Variants in PRR35 observed in about 807,000 individuals in gnomAD.
The protein encoded by PRR35 is proline rich 35.
A neutral mutation model predicts 18.6 loss-of-function variants in PRR35; 14 were observed. The ratio of observed to expected loss-of-function variants is 0.75; its 90% CI spans 0.50 to 1.18. The LOEUF (loss-of-function observed/expected upper bound fraction) is 1.18, where lower values mean the gene tolerates loss of function less well. Ranked by LOEUF, PRR35 falls within the 50% of genes most tolerant of loss-of-function variation. The probability of loss-of-function intolerance (pLI) is 0.00; values close to 1 mark genes in which losing one functional copy is unlikely to be tolerated. For synonymous variants in PRR35, 425 were observed against 378.2 expected (o/e 1.12, Z -1.43); for missense variants, 832 against 792.2 (o/e 1.05, Z -0.60).
chr16:560,034 C>T (rs2035407617), upstream of PRR35, among the ~76,000 whole-genome samples: 1 of 152,094 alleles, frequency 6.6e-6, no homozygotes, highest in East Asian at 1.9e-4. Context: ...ACACCCATCA[C>T]GCCGCGGCGG....
At chr16:559,849 G>C (rs1596372417), upstream of PRR35, 1 of 773,342 alleles carries the variant, frequency 1.3e-6, no homozygotes, top group East Asian at 1.3e-4. Context: ...ACGGAGGGCA[G>C]GGCTCGCCCA....
chr16:563,762 G>A lies in PRR35; in HGVS notation c.468G>A (p.Gly156=), dbSNP rs1171023567. The A allele has an allele frequency of 4.7e-6, 7 of 1,504,468 alleles. No homozygotes were observed. Among genetic ancestry groups the A allele is most frequent in the Non-Finnish European group, 6.2e-6 (7 of 1,127,582 alleles). The allele number at this position is 1,504,468 out of a possible 1,614,324, so 93.2% of individuals were successfully genotyped here. A position where few individuals can be genotyped will look rare whatever the true frequency, so the allele number is the denominator to read the frequency against. The change falls in exon 2 of 3, where the codon GGG becomes GGA. Residue 156 remains glycine, a synonymous_variant. Coordinates refer to ENST00000409413, the MANE Select transcript of PRR35 (RefSeq NM_145270.3). ...RATRKGPGPS[G]LLPESWKPGM... ...CCCGGAAGGGTCCCGGCCCCAGTGG[G>A]CTCCTGCCTGAGTCGTGGAAGCCGG...
intron 2 of PRR35, 40 bp downstream of exon 2, chr16:564,416 G>A (rs1332615238): frequency 4.4e-6 from 7 of 1,583,764 alleles, no homozygotes; most frequent in Non-Finnish European, 6.0e-6. Context: ...GTGGACGGAG[G>A]GGCTGGGCGG....
chr16:560,326 C>G, upstream of PRR35: 2 of 980,006 alleles, frequency 2.0e-6, no homozygotes, highest in Non-Finnish European at 2.4e-6. Context: ...CCGCCGCGAG[C>G]GCGGTCGGAG....
chr16:561,431 T>C (rs566536048), intron 1 of PRR35, among the ~76,000 whole-genome samples: 22 of 152,104 alleles, frequency 1.4e-4, no homozygotes, highest in African/African-American at 4.1e-4. Flanking sequence ...CCACACCCAT[T>C]TGTCATCCAC....
At position 560,786 on chromosome 16, in the gene PRR35, C is replaced by A. The variant is rs978826260; in HGVS notation, c.-40+125C>A. The A allele has an allele frequency of 5.9e-6, 5 of 850,340 alleles. No homozygotes were observed. The South Asian group carries it at 2.6e-4, about 45-fold the overall frequency. 52.7% of individuals were successfully genotyped at this position (850,340 alleles called of 1,614,324 possible). On this transcript the variant is annotated intron_variant, in intron 1 of 2. Coordinates refer to ENST00000409413, the MANE Select transcript of PRR35 (RefSeq NM_145270.3). ...CGGGGGGCGGCCGGGTCCCCCCCAC[C>A]CTCTTCTCGAAGTCCAGGAGCAGCG...
Position 565,052 on chromosome 16 carries a change from C to T in PRR35, c.1461C>T (p.Pro487=), listed in dbSNP as rs756560859. The change falls in exon 3 of 3, where the codon CCC becomes CCT. Residue 487 remains proline (P), a synonymous_variant. Transcript: ENST00000409413. ...PQALGEAWGR[P]ELGPVLTGGT... ...CTCTTGGAGAGGCGTGGGGGCGGCC[C>T]GAGCTGGGTCCCGTGTTGACCGGGG... is the stretch of plus-strand genomic sequence containing the variant. 9.4e-6 allele frequency: 15 copies of T among 1,593,474 alleles called. No homozygotes were observed. Among genetic ancestry groups the T allele is most frequent in the East Asian group, 4.5e-5 (2 of 44,192 alleles).
In PRR35 at chr16:563,693, G is replaced by A. The variant is rs781701369; in HGVS notation, c.399G>A (p.Arg133=). The change falls in exon 2 of 3, where the codon AGG becomes AGA. Residue 133 remains arginine, a synonymous_variant. Transcript: ENST00000409413. ...ACTGTGGCGGAGGCCCCAAGTCCAG[G>A]GCCAAGGGGTCCCCAGGGCCACCAC... ...SLHCGGGPKS[R]AKGSPGPPPP... 1 of 1,559,570 alleles carries A rather than the reference G, an allele frequency of 6.4e-7. No individual in the cohort carries two copies. Among genetic ancestry groups the A allele is most frequent in the South Asian group, 1.2e-5 (1 of 85,680 alleles).
chr16:564,840 A>T lies in PRR35; in HGVS notation c.1249A>T (p.Arg417Trp). 1 of 1,559,932 alleles carries T rather than the reference A, an allele frequency of 6.4e-7. No individual in the cohort carries two copies. The highest frequency in any genetic ancestry group is 8.6e-7 in the Non-Finnish European group (1 of 1,156,492). ...GACCCGAGCCCTCGGTGACTACGCC[A>T]GGGTGGAGCAGCGCCTGGGACAGTT... ...DLTRALGDYA[R>W]VEQRLGQLGP... The change falls in exon 3 of 3, where the codon AGG (arginine) becomes TGG (tryptophan). Residue 417 changes from arginine (R) to tryptophan (W), a missense_variant. Physicochemically the swap from Arg to Trp is moderately radical, Grantham distance 101 (BLOSUM62 -3). Coordinates refer to ENST00000409413, the MANE Select transcript of PRR35 (RefSeq NM_145270.3).
upstream of PRR35, among the ~76,000 whole-genome samples, chr16:560,078 C>T (rs2142103443): frequency 6.6e-6 from 1 of 152,024 alleles, no homozygotes; most frequent in African/African-American, 2.4e-5. Context: ...CTGTGCACCC[C>T]CGCGGCAGCC....
In PRR35 at chr16:564,328, A is replaced by G; in HGVS notation, c.1034A>G (p.Glu345Gly). 6.3e-7 allele frequency: 1 copy of G among 1,580,926 alleles called. No homozygotes were observed. The highest frequency in any genetic ancestry group is 2.3e-5 in the East Asian group (1 of 43,886). ...AGGCTGTCCCTGGGAAGCAGGCTGG[A>G]GCTTCCGAAGGCATCCCCCAGCCTG... ...RRRLSLGSRLELPKASPSLTR... is the reference protein window; with the variant it reads ...RRRLSLGSRLGLPKASPSLTR... Residue 345 changes from glutamate (E) to glycine (G), a missense_variant, in exon 2 of 3, where the codon GAG becomes GGG. Around this residue, in one of 3 missense-constraint regions of PRR35, gnomAD observed 768 missense variants for 704.1 expected, o/e 1.09. Coordinates refer to ENST00000409413, the MANE Select transcript of PRR35 (RefSeq NM_145270.3).
At position 560,942 on chromosome 16, in the gene PRR35, G is replaced by C. The variant is rs573674556; in HGVS notation, c.-40+281G>C. 2.7e-4 allele frequency among the ~76,000 whole-genome samples: 41 copies of C among 151,902 alleles called. 2 individuals are homozygous for C. Among genetic ancestry groups the C allele is most frequent in the Admixed American group, 1.7e-3 (26 of 15,296 alleles). ...GGGGCGCCCTGCGTTCCCGGGGGGG[G>C]GGGCAGCAGGATCTGCGGGTGGCCG... On this transcript the variant is annotated intron_variant, in intron 1 of 2. Coordinates refer to ENST00000409413, the MANE Select transcript of PRR35 (RefSeq NM_145270.3).
upstream of PRR35, chr16:559,857 C>T: frequency 8.6e-6 from 6 of 696,174 alleles, no homozygotes; most frequent in Non-Finnish European, 1.1e-5. Flanking sequence ...CAGGGCTCGC[C>T]CAGGGAGGGC....
Position 564,287 on chromosome 16 carries a change from G to A in PRR35, c.993G>A (p.Gln331=). Residue 331 remains glutamine, a synonymous_variant, in exon 2 of 3, where the codon CAG becomes CAA. Coordinates refer to ENST00000409413, the MANE Select transcript of PRR35 (RefSeq NM_145270.3). ...AGGGGGAGCTGGAGCGGGCAGCCCAGAGTGACCCCAGGAGGAGGCTGTCCC... is the reference window on the plus strand; with the variant it reads ...AGGGGGAGCTGGAGCGGGCAGCCCAAAGTGACCCCAGGAGGAGGCTGTCCC... ...GQEGELERAA[Q]SDPRRRLSLG... The A allele has an allele frequency of 1.3e-6, 2 of 1,577,788 alleles. No homozygotes were observed. Among genetic ancestry groups the A allele is most frequent in the Non-Finnish European group, 1.7e-6 (2 of 1,166,506 alleles).
rs2035487106 is a variant in PRR35 at position 564,001 on chromosome 16, T to C, written c.707T>C (p.Leu236Pro). Residue 236 changes from leucine (L) to proline (P), a missense_variant, in exon 2 of 3, where the codon CTG (leucine) becomes CCG (proline). Leu to Pro is a moderately conservative substitution (Grantham distance 98, BLOSUM62 -3). This residue lies in a region of PRR35 where 768 missense variants were observed against 704.1 expected (regional missense o/e 1.09). Transcript: ENST00000409413. ...GCCGCTGCAGCCCATGTGCCCTTCC[T>C]GGCCTCGGCCAGCCCCCTGCTGCCC... ...SLAAAAHVPF[L>P]ASASPLLPPA... 1 of 1,599,966 alleles carries C rather than the reference T, an allele frequency of 6.3e-7. No homozygotes were observed. Among genetic ancestry groups the C allele is most frequent in the Non-Finnish European group, 8.5e-7 (1 of 1,175,692 alleles).
Position 565,506 on chromosome 16 carries a change from A to G in PRR35, c.*199A>G, listed in dbSNP as rs74003986. ...AGTTATTTATTGATCACAATTGTGGACATTAAAACAGAAACTGTTCACACA... is the reference window on the plus strand; with the variant it reads ...AGTTATTTATTGATCACAATTGTGGGCATTAAAACAGAAACTGTTCACACA... On this transcript the variant is annotated 3_prime_UTR_variant, in exon 3 of 3. Transcript: ENST00000409413. 0.032 allele frequency: 16,542 copies of G among 517,434 alleles called. 412 individuals are homozygous for G. Among genetic ancestry groups the G allele is most frequent in the African/African-American group, 0.098 (4,926 of 50,280 alleles). 32.1% of individuals were successfully genotyped at this position (517,434 alleles called of 1,614,324 possible).
Position 565,048 on chromosome 16 carries a change from G to A in PRR35, c.1457G>A (p.Arg486Gln), listed in dbSNP as rs113068385. The change falls in exon 3 of 3, where the codon CGG becomes CAG. Residue 486 changes from arginine (R) to glutamine (Q), a missense_variant. Arg to Gln is a conservative substitution (Grantham distance 43). Around this residue, in one of 3 missense-constraint regions of PRR35, gnomAD observed 768 missense variants for 704.1 expected, o/e 1.09. Coordinates refer to ENST00000409413, the MANE Select transcript of PRR35 (RefSeq NM_145270.3). Reference sequence around the variant, plus strand: ...CAGGCTCTTGGAGAGGCGTGGGGGCGGCCCGAGCTGGGTCCCGTGTTGACC... The same window carrying A: ...CAGGCTCTTGGAGAGGCGTGGGGGCAGCCCGAGCTGGGTCCCGTGTTGACC... ...GPQALGEAWG[R>Q]PELGPVLTGG... 63,336 of 1,593,094 alleles carry A rather than the reference G, an allele frequency of 0.04. 1,598 individuals are homozygous for A. The highest frequency in any genetic ancestry group is 0.046 in the Non-Finnish European group (53,740 of 1,170,372).
chr16:564,062 G>A lies in PRR35; in HGVS notation c.768G>A (p.Gln256=). The A allele has an allele frequency of 9.8e-6, 15 of 1,536,380 alleles. No individual in the cohort carries two copies. The highest frequency in any genetic ancestry group is 1.3e-5 in the Non-Finnish European group (15 of 1,146,308). Residue 256 remains glutamine (Q), a synonymous_variant, in exon 2 of 3, where the codon CAG becomes CAA. Coordinates refer to ENST00000409413, the MANE Select transcript of PRR35 (RefSeq NM_145270.3). ...CCTTCCCAGCCGTGCAGCCCCCTCAGCGCCCCACCCCGGCCCCCCGCCTGT... is the reference window on the plus strand; with the variant it reads ...CCTTCCCAGCCGTGCAGCCCCCTCAACGCCCCACCCCGGCCCCCCGCCTGT... The part of the protein sequence containing the change: ...ATAFPAVQPP[Q]RPTPAPRLYY...
Position 563,706 on chromosome 16 carries a change from C to G in PRR35, c.412C>G (p.Pro138Ala). ...CCCCAAGTCCAGGGCCAAGGGGTCC[C>G]CAGGGCCACCACCCCCTGTGGCTAG... ...GGPKSRAKGS[P>A]GPPPPVARAT... The change falls in exon 2 of 3, where the codon CCA (proline) becomes GCA (alanine). Residue 138 changes from proline (P) to alanine (A), a missense_variant. Physicochemically the swap from Pro to Ala is conservative, Grantham distance 27. Coordinates refer to ENST00000409413, the MANE Select transcript of PRR35 (RefSeq NM_145270.3). 1 of 1,549,910 alleles carries G rather than the reference C, an allele frequency of 6.5e-7. No individual in the cohort carries two copies. Among genetic ancestry groups the G allele is most frequent in the Non-Finnish European group, 8.7e-7 (1 of 1,152,658 alleles).
Sources: gnomAD v4.1 joint callset for allele counts (sites outside exome capture counted in the v4.1 genomes callset) on GRCh38, gnomAD v4.1.1 for gene constraint, gnomAD v4.1.1 regional missense constraint, MANE v1.5 for transcripts, NCBI Gene and HGNC (gene_info 2026-07-23, HGNC 2026-07-21) for gene names.